ACSL6: variants seen among roughly 807,000 people sequenced by gnomAD.
The protein encoded by ACSL6 is long-chain-fatty-acid--CoA ligase 6.
In ACSL6, 47 loss-of-function variants were observed where a neutral mutation model predicts 98.2. That is an observed-to-expected ratio of 0.48 (90% confidence interval 0.38 to 0.61). The LOEUF (loss-of-function observed/expected upper bound fraction) is 0.61. Among genes scored for constraint, ACSL6 ranks in the 20% least tolerant of loss-of-function variants. ACSL6 has a pLI of 0.00. For missense variants in ACSL6, 761 were observed against 913.4 expected (o/e 0.83, Z 2.15); for synonymous variants, 362 against 336.9 (o/e 1.07, Z -0.82).
intron 6 of ACSL6, 69 bp downstream of exon 6, chr5:131,988,736 C>T (rs1754335415): frequency 5.7e-6 from 9 of 1,575,272 alleles, no homozygotes; most frequent in Non-Finnish European, 7.9e-6. Context: ...ATCAGCATAA[C>T]CTGAGAAGCT....
intron 3 of ACSL6, 92 bp from the exon 4 acceptor site, chr5:131,990,256 A>G: frequency 1.6e-6 from 2 of 1,285,334 alleles, no homozygotes; most frequent in Non-Finnish European, 1.1e-6. Flanking sequence ...TGGACATCCC[A>G]TACTGTAGTG....
At chr5:131,985,684 A>G (rs1476919136) in intron 8 of ACSL6, among the ~76,000 whole-genome samples, 1 of 152,226 alleles carries the variant, frequency 6.6e-6, no homozygotes, top group Admixed American at 6.5e-5. Context: ...GGGTGTGAAC[A>G]CTAATCTGTC....
intron 20 of ACSL6, among the ~76,000 whole-genome samples, chr5:131,956,124 T>A (rs1184619179): frequency 1.3e-5 from 2 of 152,174 alleles, no homozygotes; most frequent in African/African-American, 4.8e-5. Context: ...AGAGTCTATG[T>A]TCAGTATGGG....
rs78161751 is a variant in ACSL6 at position 131,956,865 on chromosome 5, A to T, written c.2032-2494T>A. Among the ~76,000 whole-genome samples the T allele has an allele frequency of 7.8e-3, 1,187 of 152,320 alleles. 13 individuals carry two copies. Among genetic ancestry groups the T allele is most frequent in the African/African-American group, 0.02 (826 of 41,570 alleles). ...GAAACTGGAATTTCCATTTTTTAAT[A>T]AGCAAAGTTTTTGTTGGGAAAAGAA... On this transcript the variant is annotated intron_variant, in intron 20 of 20. Transcript: ENST00000651883.
chr5:131,958,418 A>C (rs375963120), intron 20 of ACSL6, among the ~76,000 whole-genome samples: 2 of 152,360 alleles, frequency 1.3e-5, no homozygotes, highest in East Asian at 3.9e-4. Flanking sequence ...CATATGCCAA[A>C]ATTGACCTTT....
chr5:131,989,122 G>A (rs1754363812), intron 5 of ACSL6, among the ~76,000 whole-genome samples: 1 of 152,132 alleles, frequency 6.6e-6, no homozygotes, highest in Admixed American at 6.5e-5. Flanking sequence ...ACTGCCCCAA[G>A]GACAGTTCCA....
At chr5:131,970,421 T>C (rs1753240832) in intron 14 of ACSL6, among the ~76,000 whole-genome samples, 1 of 151,818 alleles carries the variant, frequency 6.6e-6, no homozygotes, top group Non-Finnish European at 1.5e-5. Flanking sequence ...ATTTTTTTTT[T>C]TTTTTTGAGA....
At chr5:131,975,402 C>T (rs1753565720) in intron 10 of ACSL6, 2 of 985,422 alleles carry the variant, frequency 2.0e-6, no homozygotes, top group African/African-American at 1.7e-5. Flanking sequence ...AGGACCTGCC[C>T]CACACCCCAT....
chr5:131,986,711 G>A lies in ACSL6; in HGVS notation c.864+111C>T, dbSNP rs917338187. The A allele has an allele frequency of 7.4e-6, 10 of 1,348,138 alleles. No homozygotes were observed. In the Admixed American group the frequency reaches 8.6e-5, roughly 12 times the overall value. 83.5% of individuals were successfully genotyped at this position (1,348,138 alleles called of 1,614,324 possible). On this transcript the variant is annotated intron_variant, in intron 8 of 20. Transcript: ENST00000651883. ...GTGGGCATTTCCTGGCTTGCACACA[G>A]GAGTTGCTTATTAACACAGAGGTGC...
At chr5:132,002,817 G>C (rs544693174) in intron 1 of ACSL6, among the ~76,000 whole-genome samples, 12 of 152,282 alleles carry the variant, frequency 7.9e-5, no homozygotes, top group African/African-American at 2.9e-4. Flanking sequence ...CTGCACTGAG[G>C]ACTGGGGCAG....
intron 1 of ACSL6, among the ~76,000 whole-genome samples, chr5:131,998,889 C>A (rs773089050): frequency 1.2e-4 from 18 of 152,214 alleles, no homozygotes; most frequent in Non-Finnish European, 2.5e-4. Flanking sequence ...CACACTGAGG[C>A]TCTCCATGAT....
At chr5:131,979,072 G>A (rs924973533) in intron 9 of ACSL6, among the ~76,000 whole-genome samples, 4 of 152,160 alleles carry the variant, frequency 2.6e-5, no homozygotes, top group Non-Finnish European at 5.9e-5. Context: ...GTGCCATGGG[G>A]TCTAATTTTA....
At chr5:131,964,037 A>C (rs1752875692) in intron 17 of ACSL6, among the ~76,000 whole-genome samples, 1 of 152,190 alleles carries the variant, frequency 6.6e-6, no homozygotes, top group African/African-American at 2.4e-5. Context: ...ATTTAACATG[A>C]TTTCAAAATA....
At chr5:132,004,682 C>T (rs1561813132) in intron 1 of ACSL6, among the ~76,000 whole-genome samples, 1 of 152,190 alleles carries the variant, frequency 6.6e-6, no homozygotes, top group Non-Finnish European at 1.5e-5. Context: ...GTTGGTTCCA[C>T]AGGTCATAGC....
At chr5:132,001,071 C>A (rs975009689) in intron 1 of ACSL6, among the ~76,000 whole-genome samples, 2 of 152,200 alleles carry the variant, frequency 1.3e-5, no homozygotes, top group African/African-American at 2.4e-5. Context: ...CCCACAAAGT[C>A]ACTTCACCTT....
intron 5 of ACSL6, 58 bp from the exon 6 acceptor site, chr5:131,988,962 C>T: frequency 1.3e-6 from 2 of 1,498,602 alleles, no homozygotes; most frequent in Non-Finnish European, 1.9e-6. Context: ...GGCTGTCCTG[C>T]CCTTAGGCCT....
intron 12 of ACSL6, 118 bp downstream of exon 12, chr5:131,973,148 G>A: frequency 7.5e-7 from 1 of 1,335,536 alleles, no homozygotes; most frequent in Non-Finnish European, 1.0e-6. Flanking sequence ...CAAGAGAGGA[G>A]GCAAGTTCCA....
Position 131,989,337 on chromosome 5 carries a change from C to A in ACSL6, c.552+70G>T, listed in dbSNP as rs1427200990. ...TCCTGGGCCCTACAAACAGTGAAAG[C>A]AGGACTATTCCATGGCAGCCAACCC... On this transcript the variant is annotated intron_variant, in intron 5 of 20. Coordinates refer to ENST00000651883, the MANE Select transcript of ACSL6 (RefSeq NM_001009185.3). 4.2e-6 allele frequency: 6 copies of A among 1,416,538 alleles called. No individual in the cohort carries two copies. The African/African-American group carries it at 5.7e-5, about 13-fold the overall frequency. 87.7% of individuals were successfully genotyped at this position (1,416,538 alleles called of 1,614,324 possible).
intron 11 of ACSL6, among the ~76,000 whole-genome samples, chr5:131,974,478 T>G (rs1005306063): frequency 2.0e-5 from 3 of 152,238 alleles, no homozygotes; most frequent in Non-Finnish European, 4.4e-5. Flanking sequence ...AAAGCACTTC[T>G]GCAAAGCTGC....
Sources: allele counts gnomAD v4.1 joint callset (sites outside exome capture counted in the v4.1 genomes callset), GRCh38; gene constraint gnomAD v4.1.1; transcripts MANE v1.5; gene names NCBI Gene and HGNC (gene_info 2026-07-23, HGNC 2026-07-21).